ACADS: variants seen among roughly 807,000 people sequenced by gnomAD.
The protein encoded by ACADS is short-chain specific acyl-CoA dehydrogenase, mitochondrial.
ACADS carries 28 observed loss-of-function variants against 46.8 expected under a neutral mutation model. That is an observed-to-expected ratio of 0.60 (90% CI 0.44 to 0.82). ACADS has a LOEUF of 0.82. Among genes scored for constraint, ACADS ranks in the 40% least tolerant of loss-of-function variants. ACADS has a pLI of 0.00. For missense variants in ACADS, 528 were observed against 578.0 expected (o/e 0.91, Z 0.89); for synonymous variants, 236 against 237.7 (o/e 0.99, Z 0.07).
chr12:120,726,834 C>T (rs982339587), intron 1 of ACADS, among the ~76,000 whole-genome samples, 192 bp from the exon 2 acceptor site: 1 of 152,186 alleles, frequency 6.6e-6, no homozygotes, highest in Non-Finnish European at 1.5e-5. Flanking sequence ...GGATGTTCAG[C>T]AGGGATCCCG....
chr12:120,737,519 G>A (rs1471305458), intron 4 of ACADS, 52 bp downstream of exon 4: 1 of 1,511,588 alleles, frequency 6.6e-7, no homozygotes, highest in Non-Finnish European at 9.2e-7. Flanking sequence ...CCAGAGGGGA[G>A]GAGAGGAAGG....
rs1883465312 is a variant in ACADS, at chr12:120,737,037, C to G, written c.262C>G (p.Leu88Val). 1 of 1,609,994 alleles carries G rather than the reference C, an allele frequency of 6.2e-7. No individual in the cohort carries two copies. Among genetic ancestry groups the G allele is most frequent in the Non-Finnish European group, 8.5e-7 (1 of 1,178,588 alleles). Residue 88 changes from leucine (L) to valine (V), a missense_variant, in exon 3 of 10, where the codon CTT (leucine) becomes GTT (valine). By Grantham distance (32) the Leu-to-Val change is conservative. Coordinates refer to ENST00000242592, the MANE Select transcript of ACADS (RefSeq NM_000017.4). Reference protein sequence around the residue: ...GLLAMDVPEELGGAGLDYLAY... With the variant: ...GLLAMDVPEEVGGAGLDYLAY... ...TCTGGCCATGGACGTGCCCGAGGAG[C>G]TTGGCGGTGCTGGCCTCGATTACCT...
Position 120,725,882 on chromosome 12 carries a change from G to T in ACADS, c.-4G>T. 6.4e-7 allele frequency: 1 copy of T among 1,550,690 alleles called. No homozygotes were observed. On this transcript the variant is annotated 5_prime_UTR_variant, in exon 1 of 10. Transcript: ENST00000242592. ...CGCGAAGCCTGGGACTGTGTCTGTC[G>T]CCCATGGCCGCCGCGCTGCTCGCCC...
chr12:120,727,583 C>T (rs1883124527), intron 2 of ACADS, among the ~76,000 whole-genome samples: 1 of 152,226 alleles, frequency 6.6e-6, no homozygotes, highest in Admixed American at 6.5e-5. Flanking sequence ...GTGGCTCAGG[C>T]TGGAGTGCAA....
At chr12:120,731,413 G>GTAGA in intron 2 of ACADS, among the ~76,000 whole-genome samples, 1 of 151,718 alleles carries the variant, frequency 6.6e-6, no homozygotes, top group African/African-American at 2.4e-5. Context: ...CTAGCACTTG[G>GTAGA]TAGAGTATTG....
rs1055902574 is a variant in ACADS at position 120,727,871 on chromosome 12, C to G, written c.210+682C>G. 2.6e-5 allele frequency among the ~76,000 whole-genome samples: 4 copies of G among 152,136 alleles called. No individual in the cohort carries two copies. The East Asian group carries it at 7.8e-4, about 30-fold the overall frequency. ...TTATTATATACCCCATGGACTCAGA[C>G]TTGTGAACAAGTTAAATAACATACC... On this transcript the variant is annotated intron_variant, in intron 2 of 9. Coordinates refer to ENST00000242592, the MANE Select transcript of ACADS (RefSeq NM_000017.4).
rs957243516 is a variant in ACADS, at chr12:120,728,242, C to T, written c.210+1053C>T. On this transcript the variant is annotated intron_variant, in intron 2 of 9. Transcript: ENST00000242592. The surrounding 1 kb of genome is among the most constrained non-coding windows in gnomAD (Gnocchi z 4.0). ...GATTACAGGCGTGAGCCACCGTGCCCGGCCTGCTTGAACTGTTTTCTCCCC... is the reference window on the plus strand; with the variant it reads ...GATTACAGGCGTGAGCCACCGTGCCTGGCCTGCTTGAACTGTTTTCTCCCC... Among the ~76,000 whole-genome samples the T allele has an allele frequency of 7.9e-5, 12 of 152,294 alleles. No individual in the cohort carries two copies. Among genetic ancestry groups the T allele is most frequent in the East Asian group, 7.7e-4 (4 of 5,172 alleles).
intron 2 of ACADS, among the ~76,000 whole-genome samples, chr12:120,732,284 G>A (rs1248215540): frequency 1.1e-4 from 16 of 150,188 alleles, no homozygotes; most frequent in Admixed American, 2.0e-4. Context: ...CCTCCCTCCC[G>A]GACGGGGCGG....
At position 120,739,387 on chromosome 12, in the gene ACADS, G is replaced by A; in HGVS notation, c.1178G>A (p.Gly393Asp). The change falls in exon 10 of 10, where the codon GGC becomes GAC. Residue 393 changes from glycine to aspartate, a missense_variant. By Grantham distance (94) the Gly-to-Asp change is moderately conservative. Coordinates refer to ENST00000242592, the MANE Select transcript of ACADS (RefSeq NM_000017.4). Reference sequence around the variant, plus strand: ...GCCCGCATCACTGAGATCTACGAGGGCACCAGCGAAATCCAGCGGCTGGTG... The same window carrying A: ...GCCCGCATCACTGAGATCTACGAGGACACCAGCGAAATCCAGCGGCTGGTG... ...RDARITEIYE[G>D]TSEIQRLVIA... is the part of the protein sequence containing the mutation. 6 of 1,612,872 alleles carry A rather than the reference G, an allele frequency of 3.7e-6. No individual in the cohort carries two copies. The highest frequency in any genetic ancestry group is 5.1e-6 in the Non-Finnish European group (6 of 1,179,956).
rs137990231 is a variant in ACADS at position 120,739,648 on chromosome 12, C to T, written c.*200C>T. 830 of 645,020 alleles carry T rather than the reference C, an allele frequency of 1.3e-3. 5 individuals are homozygous for T. Among genetic ancestry groups the T allele is most frequent in the African/African-American group, 0.011 (612 of 54,846 alleles). The allele number at this position is 645,020 out of a possible 1,614,324, so 40.0% of individuals were successfully genotyped here. A position where few individuals can be genotyped will look rare whatever the true frequency, so the allele number is the denominator to read the frequency against. On this transcript the variant is annotated 3_prime_UTR_variant, in exon 10 of 10. Transcript: ENST00000242592. Reference sequence around the variant, plus strand: ...CTCCGCCTCTGGGCCTTTCCGCCTCCTCACCACTGTGCCTCAAGTTCCTCA... The same window carrying T: ...CTCCGCCTCTGGGCCTTTCCGCCTCTTCACCACTGTGCCTCAAGTTCCTCA...
intron 2 of ACADS, 93 bp downstream of exon 2, chr12:120,727,282 G>T: frequency 6.5e-7 from 1 of 1,540,066 alleles, no homozygotes; most frequent in Non-Finnish European, 9.0e-7. Context: ...TCGGACTCTG[G>T]TAGAGGAACC....
At position 120,739,347 on chromosome 12, in the gene ACADS, C is replaced by G. The variant is rs28940875; in HGVS notation, c.1138C>G (p.Arg380Gly). The change falls in exon 10 of 10, where the codon CGG (arginine) becomes GGG (glycine). Residue 380 changes from arginine (R) to glycine (G), a missense_variant. By Grantham distance (125) the Arg-to-Gly change is moderately radical (BLOSUM62 -2). Coordinates refer to ENST00000242592, the MANE Select transcript of ACADS (RefSeq NM_000017.4). ...CTACGTGACAGAGATGCCGGCAGAG[C>G]GGCACTACCGCGACGCCCGCATCAC... ...MGYVTEMPAE[R>G]HYRDARITEI... 4.3e-6 allele frequency: 7 copies of G among 1,613,062 alleles called. No homozygotes were observed. The highest frequency in any genetic ancestry group is 5.9e-6 in the Non-Finnish European group (7 of 1,179,960).
intron 4 of ACADS, 76 bp downstream of exon 4, chr12:120,737,543 G>A: frequency 7.3e-7 from 1 of 1,370,938 alleles, no homozygotes. Flanking sequence ...TAGGCCAACT[G>A]CCCACTGCTT....
At chr12:120,734,753 A>ATTTTTT (rs34601782) in intron 2 of ACADS, among the ~76,000 whole-genome samples, 1 of 136,864 alleles carries the variant, frequency 7.3e-6, no homozygotes, top group Non-Finnish European at 1.6e-5. Flanking sequence ...AAAAACAATA[A>ATTTTTT]TTTTTTTTTT....
chr12:120,738,398 T>A lies in ACADS; in HGVS notation c.743T>A (p.Ile248Asn). The A allele has an allele frequency of 6.2e-7, 1 of 1,613,718 alleles. No individual in the cohort carries two copies. The highest frequency in any genetic ancestry group is 1.1e-5 in the South Asian group (1 of 91,086). ...AACCTCATCTTTGAGGACTGTCGCA[T>A]CCCCAAGGACAGCATCCTGGGGGAG... ...TANLIFEDCRIPKDSILGEPG... is the reference protein window; with the variant it reads ...TANLIFEDCRNPKDSILGEPG... Residue 248 changes from isoleucine (I) to asparagine (N), a missense_variant, in exon 6 of 10, where the codon ATC becomes AAC. By Grantham distance (149) the Ile-to-Asn change is moderately radical (BLOSUM62 -3). Coordinates refer to ENST00000242592, the MANE Select transcript of ACADS (RefSeq NM_000017.4).
intron 2 of ACADS, among the ~76,000 whole-genome samples, chr12:120,731,196 C>T (rs1284488861): frequency 6.6e-6 from 1 of 152,140 alleles, no homozygotes; most frequent in African/African-American, 2.4e-5. Flanking sequence ...AACGCCTGGA[C>T]TCAGATGATC....
At chr12:120,738,499 G>T in intron 6 of ACADS, 34 bp from the exon 7 acceptor site, 1 of 1,605,750 alleles carries the variant, frequency 6.2e-7, no homozygotes, top group Non-Finnish European at 8.5e-7. Context: ...CCGCGCCCCG[G>T]CTGGCGGGCC....
At chr12:120,735,327 T>A (rs1592938212) in intron 2 of ACADS, among the ~76,000 whole-genome samples, 1 of 118,324 alleles carries the variant, frequency 8.5e-6, no homozygotes, top group African/African-American at 3.2e-5. Context: ...ATTACAGGTG[T>A]GAGTCACTGT....
rs76543640 is a variant in ACADS at position 120,737,135 on chromosome 12, C to T, written c.360C>T (p.Asn120=). Residue 120 remains asparagine (N), a splice_region_variant and synonymous_variant, in exon 3 of 10, where the codon AAC becomes AAT. Transcript: ENST00000242592. ...ASTGVIMSVN[N]SLYLGPILKF... is the part of the protein sequence containing the mutation. ...CCGGAGTCATCATGAGTGTCAACAA[C>T]GTGAGCCCCCTCCCAGGCCCCTGGG... The T allele has an allele frequency of 0.017, 27,641 of 1,579,494 alleles. 1,656 individuals carry two copies. The East Asian group carries it at 0.24, about 13-fold the overall frequency.
Sources: gnomAD v4.1 joint callset for allele counts (sites outside exome capture counted in the v4.1 genomes callset) on GRCh38, gnomAD v4.1.1 for gene constraint, Gnocchi (gnomAD v3.1) non-coding constraint, MANE v1.5 for transcripts, NCBI Gene and HGNC (gene_info 2026-07-23, HGNC 2026-07-21) for gene names.